The following NTM variants were observed in gnomAD, a reference collection of about 807,000 sequenced individuals.
NTM encodes IgLON family member 2.
Under a neutral mutation model 42.1 loss-of-function variants are expected in NTM, and 13 were observed. That is an observed-to-expected ratio of 0.31 (90% CI 0.20 to 0.49). The LOEUF is 0.49. Ranked by LOEUF, NTM falls within the 20% of genes least tolerant of loss-of-function variation. The pLI is 0.99. For missense variants in NTM, 373 were observed against 452.8 expected (o/e 0.82, Z 1.60); for synonymous variants, 187 against 179.2 (o/e 1.04, Z -0.35).
intron 1 of NTM, among the ~76,000 whole-genome samples, chr11:131,659,488 C>T (rs998093026): frequency 2.6e-5 from 4 of 152,172 alleles, no homozygotes; most frequent in South Asian, 2.1e-4. Context: ...GCCGGGCCAT[C>T]GACTTCAAGG....
intron 1 of NTM, among the ~76,000 whole-genome samples, chr11:131,864,443 T>C (rs1194196771): frequency 6.6e-6 from 1 of 152,196 alleles, no homozygotes; most frequent in Non-Finnish European, 1.5e-5. Context: ...CAAAGGCTAA[T>C]TATCATTTTA....
At chr11:131,952,307 AC>A (rs2061092036) in intron 2 of NTM, among the ~76,000 whole-genome samples, 1 of 152,148 alleles carries the variant, frequency 6.6e-6, no homozygotes, top group African/African-American at 2.4e-5. Flanking sequence ...GACCCTTACT[AC>A]CAGGATCTAT....
intron 3 of NTM, among the ~76,000 whole-genome samples, chr11:132,148,996 AT>A (rs1329603255): frequency 6.6e-6 from 1 of 152,158 alleles, no homozygotes; most frequent in Non-Finnish European, 1.5e-5. Flanking sequence ...TGATGGGTGT[AT>A]TGATCTGGAA....
chr11:132,099,595 T>A lies in NTM; in HGVS notation c.168-46687T>A, dbSNP rs377218758. Among the ~76,000 whole-genome samples the A allele has an allele frequency of 2.2e-3, 335 of 152,284 alleles. 2 individuals are homozygous for A. The highest frequency in any genetic ancestry group is 7.7e-3 in the African/African-American group (320 of 41,554). On this transcript the variant is annotated intron_variant, in intron 2 of 8. Transcript: ENST00000683400. ...GTAGGTTATCAGTGGGTATTGTTCT[T>A]AAACCCAGGTCTATAGACTCCCTCC...
chr11:131,704,143 A>G (rs746006015), intron 1 of NTM, among the ~76,000 whole-genome samples: 22 of 152,266 alleles, frequency 1.4e-4, no homozygotes, highest in South Asian at 6.2e-4. Context: ...TAACTCAATC[A>G]CCAGGCTGGT....
In NTM at chr11:131,608,478, G is replaced by C. The variant is rs191918873; in HGVS notation, c.82+237590G>C. Among the ~76,000 whole-genome samples, 736 of 152,116 alleles carry C rather than the reference G, an allele frequency of 4.8e-3. 8 individuals carry two copies. Among genetic ancestry groups the C allele is most frequent in the African/African-American group, 0.016 (679 of 41,388 alleles). ...AGAAAAACCTCAATTAAGAAAGAAA[G>C]TTCTTTTTTTTGGAGCTTTGTCCAT... On this transcript the variant is annotated intron_variant, in intron 1 of 8. Transcript: ENST00000683400.
At position 132,169,320 on chromosome 11, in the gene NTM, C is replaced by CTTTTTTTTTTTTTTTTTTTTTTTTTTTTT. The variant is rs567723794; in HGVS notation, c.400+22810_400+22838dup. On this transcript the variant is annotated intron_variant, in intron 3 of 8. Coordinates refer to ENST00000683400, the MANE Select transcript of NTM (RefSeq NM_001352005.2). Reference sequence around the variant, plus strand: ...GTGATATCTAGGTTTAATTTTTTTACTTTTTTTTTTTTTTTTTTTTTTTTT... The same window carrying CTTTTTTTTTTTTTTTTTTTTTTTTTTTTT: ...GTGATATCTAGGTTTAATTTTTTTACTTTTTTTTTTTTTTTTTTTTTTTTTTTTTTTTTTTTTTTTTTTTTTTTTTTTTT... Among the ~76,000 whole-genome samples, 4 of 32,356 alleles carry CTTTTTTTTTTTTTTTTTTTTTTTTTTTTT rather than the reference C, an allele frequency of 1.2e-4. 2 individuals are homozygous for CTTTTTTTTTTTTTTTTTTTTTTTTTTTTT. Among genetic ancestry groups the CTTTTTTTTTTTTTTTTTTTTTTTTTTTTT allele is most frequent in the Non-Finnish European group, 2.2e-4 (4 of 18,374 alleles). The allele number at this position is 32,356 out of a possible 152,430, so 21.2% of individuals were successfully genotyped here. A position where few individuals can be genotyped will look rare whatever the true frequency, so the allele number is the denominator to read the frequency against.
chr11:132,092,594 C>T (rs2060499886), intron 2 of NTM, among the ~76,000 whole-genome samples: 1 of 152,172 alleles, frequency 6.6e-6, no homozygotes, highest in Non-Finnish European at 1.5e-5. Context: ...CTTGTTGAGT[C>T]CATCATGCTC....
At chr11:131,956,011 A>T (rs1171513952) in intron 2 of NTM, among the ~76,000 whole-genome samples, 1 of 152,138 alleles carries the variant, frequency 6.6e-6, no homozygotes, top group Non-Finnish European at 1.5e-5. Context: ...CTTTCTGAAC[A>T]TGCTCAGGCA....
intron 1 of NTM, among the ~76,000 whole-genome samples, chr11:131,691,558 G>GCGCC (rs1555086532): frequency 1.4e-5 from 2 of 143,158 alleles, no homozygotes; most frequent in African/African-American, 5.9e-5. Flanking sequence ...TTCCCTGAAA[G>GCGCC]CCCCCCCCCG....
At chr11:131,478,000 A>G (rs547261199) in intron 1 of NTM, among the ~76,000 whole-genome samples, 69 of 152,150 alleles carry the variant, frequency 4.5e-4, no homozygotes, top group African/African-American at 1.4e-3. Flanking sequence ...TGCACTAGAG[A>G]CCCAAAGCTG....
chr11:131,836,211 CTT>C (rs1233334631), intron 1 of NTM, among the ~76,000 whole-genome samples: 9 of 152,146 alleles, frequency 5.9e-5, no homozygotes, highest in African/African-American at 2.2e-4. Context: ...TTCAACAAAA[CTT>C]TTCTTAAAAT....
At chr11:132,000,099 G>A (rs1160409095) in intron 2 of NTM, among the ~76,000 whole-genome samples, 1 of 152,110 alleles carries the variant, frequency 6.6e-6, no homozygotes, top group Non-Finnish European at 1.5e-5. Context: ...GGTGAGCACA[G>A]GCTGACTTCC....
chr11:131,766,735 T>C (rs1381156294), intron 1 of NTM, among the ~76,000 whole-genome samples: 1 of 152,204 alleles, frequency 6.6e-6, no homozygotes, highest in African/African-American at 2.4e-5. Flanking sequence ...AAAATATAAA[T>C]GACATTATTT....
rs112286210 is a variant in NTM, at chr11:131,712,886, C to T, written c.83-198678C>T. Among the ~76,000 whole-genome samples the T allele has an allele frequency of 1.4e-3, 206 of 151,552 alleles. 1 individual carries two copies. Among genetic ancestry groups the T allele is most frequent in the African/African-American group, 4.7e-3 (196 of 41,270 alleles). ...GTGCCCGGCCAAGACAAGTGAAAACCAAGGAAGAAAGAAAGGAAGAAAGCA... is the reference window on the plus strand; with the variant it reads ...GTGCCCGGCCAAGACAAGTGAAAACTAAGGAAGAAAGAAAGGAAGAAAGCA... On this transcript the variant is annotated intron_variant, in intron 1 of 8. Coordinates refer to ENST00000683400, the MANE Select transcript of NTM (RefSeq NM_001352005.2).
intron 4 of NTM, among the ~76,000 whole-genome samples, chr11:132,234,675 A>G (rs2088403897): frequency 6.6e-6 from 1 of 152,242 alleles, no homozygotes; most frequent in Non-Finnish European, 1.5e-5. Context: ...GATTTCAACA[A>G]GAAGAGAAAG....
intron 2 of NTM, among the ~76,000 whole-genome samples, chr11:132,113,055 T>C (rs1035562044): frequency 1.3e-5 from 2 of 152,116 alleles, no homozygotes; most frequent in African/African-American, 4.8e-5. Flanking sequence ...CTCCCAGTCA[T>C]CCTCTCCTAG....
intron 1 of NTM, among the ~76,000 whole-genome samples, chr11:131,657,259 C>T (rs2134413080): frequency 6.6e-6 from 1 of 152,126 alleles, no homozygotes; most frequent in African/African-American, 2.4e-5. Context: ...GGGTTCTGAG[C>T]CCTTTGGAGA....
chr11:131,999,555 T>A (rs1009200794), intron 2 of NTM, among the ~76,000 whole-genome samples: 1 of 152,224 alleles, frequency 6.6e-6, no homozygotes, highest in Non-Finnish European at 1.5e-5. Flanking sequence ...TTCAGAGTCA[T>A]GGCTGGTAGA....
Sources: allele counts gnomAD v4.1 joint callset (sites outside exome capture counted in the v4.1 genomes callset), GRCh38; gene constraint gnomAD v4.1.1; transcripts MANE v1.5; gene names NCBI Gene and HGNC (gene_info 2026-07-23, HGNC 2026-07-21).